The following COL11A1 variants were observed in gnomAD, a reference collection of about 807,000 sequenced individuals.
COL11A1 encodes collagen type XI alpha 1 chain, also known as collagen alpha-1(XI) chain.
A neutral mutation model predicts 265.2 loss-of-function variants in COL11A1; 74 were observed. That is an observed-to-expected ratio of 0.28 (90% CI 0.23 to 0.34). The LOEUF (loss-of-function observed/expected upper bound fraction) is 0.34. Ranked by LOEUF, COL11A1 falls within the 10% of genes least tolerant of loss-of-function variation. The pLI is 1.00. For synonymous variants in COL11A1, 816 were observed against 727.6 expected, an observed-to-expected ratio of 1.12 and a Z score of -1.96; for missense variants, 2,165 against 2,263.6, an observed-to-expected ratio of 0.96 and a Z score of 0.88.
chr1:102,987,759 A>G lies in COL11A1; in HGVS notation c.2395-19T>C, dbSNP rs372742267. The G allele has an allele frequency of 1.3e-6, 2 of 1,568,854 alleles. No homozygotes were observed. The highest frequency in any genetic ancestry group is 2.7e-5 in the African/African-American group (2 of 73,974). On this transcript the variant is annotated intron_variant, in intron 29 of 66. Coordinates refer to ENST00000370096, the MANE Select transcript of COL11A1 (RefSeq NM_001854.4). ...CTTCTCCCTGAGGCACAGAATAACA[A>G]CATTCTTATGAGTGAAACGTCCTTT...
chr1:103,014,711 A>G (rs1571039037), intron 12 of COL11A1, 117 bp from the exon 13 acceptor site: 2 of 801,520 alleles, frequency 2.5e-6, no homozygotes, highest in East Asian at 2.7e-5. Context: ...ACAAAATTAC[A>G]AAGTAACTCC....
chr1:102,896,702 A>G (rs1380397849), intron 57 of COL11A1, among the ~76,000 whole-genome samples: 3 of 152,192 alleles, frequency 2.0e-5, no homozygotes, highest in African/African-American at 7.2e-5. Context: ...AAAAGTTTGT[A>G]TGCCAAATCA....
chr1:102,920,169 G>T, intron 49 of COL11A1, 142 bp downstream of exon 49: 2 of 805,422 alleles, frequency 2.5e-6, no homozygotes, highest in Non-Finnish European at 4.3e-6. Context: ...TTTAATTTTT[G>T]CAACTACTAG....
intron 1 of COL11A1, among the ~76,000 whole-genome samples, chr1:103,096,312 A>G (rs1305161124): frequency 6.6e-6 from 1 of 152,056 alleles, no homozygotes; most frequent in Non-Finnish European, 1.5e-5. Flanking sequence ...GATTCTACAT[A>G]TATTCTGAAA....
intron 5 of COL11A1, among the ~76,000 whole-genome samples, chr1:103,028,264 C>A (rs1275781709): frequency 6.6e-6 from 1 of 152,054 alleles, no homozygotes. Context: ...GAACTCCTGA[C>A]CTCAGGTGAT....
chr1:102,886,898 G>A lies in COL11A1; in HGVS notation c.4767C>T (p.Asp1589=), dbSNP rs768263147. Reference sequence around the variant, plus strand: ...CCATTGGAAATTTCATATGCTCAATGTCTTGTTTCAGGGAATTGAGGGAAC... The same window carrying A: ...CCATTGGAAATTTCATATGCTCAATATCTTGTTTCAGGGAATTGAGGGAAC... ...IFGSLNSLKQ[D]IEHMKFPMGT... Residue 1589 remains aspartate, a synonymous_variant, in exon 63 of 67, where the codon GAC becomes GAT. Transcript: ENST00000370096. The A allele has an allele frequency of 3.4e-5, 55 of 1,613,704 alleles. No individual in the cohort carries two copies. In the Middle Eastern group the frequency reaches 9.9e-4, roughly 29 times the overall value.
chr1:103,107,537 A>G (rs1175869785), intron 1 of COL11A1, among the ~76,000 whole-genome samples: 1 of 129,870 alleles, frequency 7.7e-6, no homozygotes, highest in Non-Finnish European at 1.6e-5. Flanking sequence ...TTCTAGATTC[A>G]CCCCCCTGGT....
chr1:103,008,135 A>C (rs1360603718), intron 15 of COL11A1, among the ~76,000 whole-genome samples: 1 of 152,200 alleles, frequency 6.6e-6, no homozygotes, highest in Non-Finnish European at 1.5e-5. Flanking sequence ...TTGAGCAAAA[A>C]GTTCACAAAC....
Position 102,887,030 on chromosome 1 carries a change from A to C in COL11A1, c.4635T>G (p.Pro1545=), listed in dbSNP as rs1273521274. 1 of 1,613,784 alleles carries C rather than the reference A, an allele frequency of 6.2e-7. No individual in the cohort carries two copies. The highest frequency in any genetic ancestry group is 8.5e-7 in the Non-Finnish European group (1 of 1,179,844). Residue 1545 remains proline, a synonymous_variant, in exon 63 of 67, where the codon CCT becomes CCG. Coordinates refer to ENST00000370096, the MANE Select transcript of COL11A1 (RefSeq NM_001854.4). The part of the protein sequence containing the change: ...SPGPPGEVIQ[P]LPILSSKKTR... ...TTTTTTTGGAGGACAAGATTGGTAA[A>C]GGCTGAATGACTTCACCAGGTGGAC...
chr1:102,950,888 C>T (rs900014253), intron 41 of COL11A1, among the ~76,000 whole-genome samples: 1 of 152,142 alleles, frequency 6.6e-6, no homozygotes, highest in Non-Finnish European at 1.5e-5. Context: ...CCATGCTGTT[C>T]TCCTGACAAT....
At chr1:102,971,005 C>CA (rs978861892) in intron 36 of COL11A1, among the ~76,000 whole-genome samples, 37 of 84,874 alleles carry the variant, frequency 4.4e-4, no homozygotes, top group Non-Finnish European at 5.7e-4. Flanking sequence ...TCTCAAAAAA[C>CA]AAAAAACAAA....
chr1:102,989,682 A>G, intron 28 of COL11A1, 111 bp from the exon 29 acceptor site: 1 of 685,790 alleles, frequency 1.5e-6, no homozygotes, highest in South Asian at 2.0e-5. Flanking sequence ...TATTTTTGAG[A>G]AATGTGCATG....
In COL11A1 at chr1:103,005,899, A is replaced by C; in HGVS notation, c.1792-8T>G. On this transcript the variant is annotated splice_region_variant and splice_polypyrimidine_tract_variant and intron_variant, in intron 17 of 66. Transcript: ENST00000370096. The stretch of plus-strand genomic sequence containing the variant: ...ATCAAACCCTCGATCTCCCTGTAAA[A>C]CCATCATCATCATCATCATCATCAT... 1 of 1,529,620 alleles carries C rather than the reference A, an allele frequency of 6.5e-7. No individual in the cohort carries two copies. Among genetic ancestry groups the C allele is most frequent in the Non-Finnish European group, 8.8e-7 (1 of 1,140,540 alleles). The allele number at this position is 1,529,620 out of a possible 1,614,324, so 94.8% of individuals were successfully genotyped here. A position where few individuals can be genotyped will look rare whatever the true frequency, so the allele number is the denominator to read the frequency against.
In COL11A1 at chr1:102,921,583, A is replaced by G; in HGVS notation, c.3655-12T>C. On this transcript the variant is annotated splice_polypyrimidine_tract_variant and intron_variant, in intron 47 of 66. Transcript: ENST00000370096. The stretch of plus-strand genomic sequence containing the variant: ...GGACCAGGTGGCCCCTGTAAGAGAG[A>G]AATATTGAGGTTTACAAAGACCAAA... 1 of 1,609,726 alleles carries G rather than the reference A, an allele frequency of 6.2e-7. No homozygotes were observed. The highest frequency in any genetic ancestry group is 8.5e-7 in the Non-Finnish European group (1 of 1,177,576).
intron 49 of COL11A1, among the ~76,000 whole-genome samples, chr1:102,917,416 A>G (rs557781776): frequency 6.6e-6 from 1 of 152,114 alleles, no homozygotes; most frequent in South Asian, 2.1e-4. Flanking sequence ...ACTCTTCTGG[A>G]CATTGGTCTA....
At chr1:102,959,473 C>T (rs1260398113) in intron 41 of COL11A1, among the ~76,000 whole-genome samples, 1 of 152,048 alleles carries the variant, frequency 6.6e-6, no homozygotes, top group East Asian at 1.9e-4. Context: ...TCCACATGGC[C>T]CTTCCCCTTA....
At chr1:102,953,567 C>A (rs1488866151) in intron 41 of COL11A1, among the ~76,000 whole-genome samples, 1 of 152,092 alleles carries the variant, frequency 6.6e-6, no homozygotes, top group Non-Finnish European at 1.5e-5. Flanking sequence ...GTTCTTTGAA[C>A]AATGCCTGTC....
intron 4 of COL11A1, among the ~76,000 whole-genome samples, chr1:103,055,028 T>C (rs1194434182): frequency 6.6e-6 from 1 of 152,204 alleles, no homozygotes; most frequent in East Asian, 1.9e-4. Context: ...AGCACTGTTA[T>C]TCCATTTTAC....
intron 43 of COL11A1, among the ~76,000 whole-genome samples, chr1:102,939,671 C>G (rs1201924336): frequency 6.7e-6 from 1 of 150,122 alleles, no homozygotes; most frequent in Non-Finnish European, 1.5e-5. Context: ...CCACTGCACT[C>G]CAGCCTGGGC....
Sources: gnomAD v4.1 joint callset for allele counts (sites outside exome capture counted in the v4.1 genomes callset) on GRCh38, gnomAD v4.1.1 for gene constraint, MANE v1.5 for transcripts, NCBI Gene and HGNC (gene_info 2026-07-23, HGNC 2026-07-21) for gene names.